The following PCNX2 variants were observed in gnomAD, a reference collection of about 807,000 sequenced individuals.
PCNX2 encodes the protein pecanex 2.
In PCNX2, 168 loss-of-function variants were observed where a neutral mutation model predicts 223.8. The observed-to-expected ratio is 0.75, with a 90% CI of 0.66 to 0.85. PCNX2 has a LOEUF of 0.85. PCNX2 is among the 40% of genes least tolerant of loss of function. The probability of loss-of-function intolerance (pLI) is 0.00; values close to 1 mark genes in which losing one functional copy is unlikely to be tolerated. For synonymous variants in PCNX2, 1,006 were observed against 1,052.6 expected (o/e 0.96, Z 0.86); for missense variants, 2,507 against 2,675.5 (o/e 0.94, Z 1.39).
Position 233,253,997 on chromosome 1 carries a change from T to C in PCNX2, c.1835-1209A>G, listed in dbSNP as rs558197187. ...ACAGCCTGTGCCTGAGAGAACAGAA[T>C]TGAGCCTGAACCTACAAGTTCTTTC... is the stretch of plus-strand genomic sequence containing the variant. On this transcript the variant is annotated intron_variant, in intron 5 of 33. Coordinates refer to ENST00000258229, the MANE Select transcript of PCNX2 (RefSeq NM_014801.4). This position sits in a 1 kb window ranked among gnomAD's most constrained non-coding sequence, Gnocchi z 4.2. Among the ~76,000 whole-genome samples the C allele has an allele frequency of 2.4e-4, 36 of 152,306 alleles. No individual in the cohort carries two copies. Among genetic ancestry groups the C allele is most frequent in the African/African-American group, 8.2e-4 (34 of 41,582 alleles).
chr1:233,011,595 C>A (rs956577510), intron 28 of PCNX2, among the ~76,000 whole-genome samples: 1 of 152,144 alleles, frequency 6.6e-6, no homozygotes, highest in Non-Finnish European at 1.5e-5. Flanking sequence ...CATTTCTGCA[C>A]AGCTGTCCAA....
At chr1:233,114,097 AGAT>A (rs1272942065) in intron 21 of PCNX2, among the ~76,000 whole-genome samples, 4 of 152,240 alleles carry the variant, frequency 2.6e-5, no homozygotes, top group African/African-American at 9.6e-5. Flanking sequence ...GTGTGTTATA[AGAT>A]GATGACGGCT....
Position 233,295,303 on chromosome 1 carries a change from G to C in PCNX2, c.153+23C>G, listed in dbSNP as rs767925559. On this transcript the variant is annotated intron_variant, in intron 1 of 33. Coordinates refer to ENST00000258229, the MANE Select transcript of PCNX2 (RefSeq NM_014801.4). The surrounding 1 kb of genome is among the most constrained non-coding windows in gnomAD (Gnocchi z 4.1). Reference sequence around the variant, plus strand: ...CTTCCCTCCATACCCACAGCTCCCCGGGACCGGACCCTCCCCACTCACCAG... The same window carrying C: ...CTTCCCTCCATACCCACAGCTCCCCCGGACCGGACCCTCCCCACTCACCAG... The C allele has an allele frequency of 6.4e-7, 1 of 1,570,376 alleles. No homozygotes were observed. The highest frequency in any genetic ancestry group is 8.6e-7 in the Non-Finnish European group (1 of 1,157,584).
chr1:233,007,460 C>T (rs1670324453), intron 28 of PCNX2, among the ~76,000 whole-genome samples: 1 of 152,208 alleles, frequency 6.6e-6, no homozygotes, highest in African/African-American at 2.4e-5. Flanking sequence ...AGAAAACCCA[C>T]AGCTGCTTCC....
At chr1:233,052,313 T>C (rs1204720616) in intron 25 of PCNX2, among the ~76,000 whole-genome samples, 1 of 152,230 alleles carries the variant, frequency 6.6e-6, no homozygotes, top group East Asian at 1.9e-4. Flanking sequence ...TGGGAAAACA[T>C]GACAACTTGT....
At chr1:233,082,359 A>G (rs1673401312) in intron 23 of PCNX2, among the ~76,000 whole-genome samples, 1 of 152,176 alleles carries the variant, frequency 6.6e-6, no homozygotes, top group African/African-American at 2.4e-5. Context: ...GGCCCAACGT[A>G]CAACCTAAGT....
intron 1 of PCNX2, among the ~76,000 whole-genome samples, chr1:233,281,613 C>T (rs1006117773): frequency 3.3e-5 from 5 of 152,232 alleles, no homozygotes; most frequent in Admixed American, 2.6e-4. Flanking sequence ...TATATAAGTA[C>T]CACAAGGAAA....
At position 233,227,309 on chromosome 1, in the gene PCNX2, C is replaced by T. The variant is rs1391094178; in HGVS notation, c.2421G>A (p.Glu807=). Residue 807 remains glutamate (E), a synonymous_variant, in exon 10 of 34, where the codon GAG becomes GAA. Transcript: ENST00000258229. ...GGAAAATGATAAATTTGTAAAACTG[C>T]TCTCGGTTAAATTTTCCTTGTGTTG... ...CSSTQGKFNR[E]QFYKFIIFPG... is the part of the protein sequence containing the mutation. 8 of 1,613,404 alleles carry T rather than the reference C, an allele frequency of 5.0e-6. No individual in the cohort carries two copies. The highest frequency in any genetic ancestry group is 1.3e-5 in the African/African-American group (1 of 74,822).
chr1:233,002,250 G>A (rs1282734336), intron 28 of PCNX2, among the ~76,000 whole-genome samples: 3 of 152,008 alleles, frequency 2.0e-5, no homozygotes, highest in African/African-American at 7.3e-5. Context: ...TTTTAATGAT[G>A]AGAGGAAGAG....
At chr1:233,248,818 TCAGTTG>T (rs1184513659) in intron 8 of PCNX2, among the ~76,000 whole-genome samples, 2 of 152,100 alleles carry the variant, frequency 1.3e-5, no homozygotes, top group Non-Finnish European at 2.9e-5. Flanking sequence ...ATCAACACAT[TCAGTTG>T]CCTCTCAGTC....
intron 25 of PCNX2, chr1:233,031,785 C>CT (rs56699256): frequency 0.052 from 46,711 of 903,958 alleles, 308 homozygotes; most frequent in African/African-American, 0.14. Context: ...TGAAAGCATT[C>CT]TTTTTTTTTT....
intron 12 of PCNX2, among the ~76,000 whole-genome samples, chr1:233,213,312 C>G (rs932184592): frequency 6.6e-6 from 1 of 151,964 alleles, no homozygotes; most frequent in Non-Finnish European, 1.5e-5. Flanking sequence ...GACAAGACGG[C>G]TATTATAATG....
At chr1:233,021,543 C>A (rs564736801) in intron 26 of PCNX2, among the ~76,000 whole-genome samples, 1 of 152,216 alleles carries the variant, frequency 6.6e-6, no homozygotes, top group East Asian at 1.9e-4. Context: ...CCATGGAATT[C>A]GAATGTGTGG....
At chr1:233,017,314 C>CTTT (rs57419971) in intron 26 of PCNX2, among the ~76,000 whole-genome samples, 160 bp from the exon 27 acceptor site, 23 of 81,962 alleles carry the variant, frequency 2.8e-4, no homozygotes, top group African/African-American at 7.8e-4. Flanking sequence ...CTAAAATGTC[C>CTTT]TTTTTTTTTT....
intron 33 of PCNX2, chr1:232,985,858 G>A: frequency 1.6e-6 from 1 of 613,434 alleles, no homozygotes; most frequent in Non-Finnish European, 2.9e-6. Flanking sequence ...TCCTTTCAGT[G>A]CCTGCCTGGG....
rs142602163 is a variant in PCNX2 at position 233,137,264 on chromosome 1, A to C, written c.3660-2074T>G. On this transcript the variant is annotated intron_variant, in intron 20 of 33. Coordinates refer to ENST00000258229, the MANE Select transcript of PCNX2 (RefSeq NM_014801.4). ...TCCCAAAGGTGTGCACAGTAGGTGCACTGATGTGCTGACATGGTCCAGTGT... is the reference window on the plus strand; with the variant it reads ...TCCCAAAGGTGTGCACAGTAGGTGCCCTGATGTGCTGACATGGTCCAGTGT... 7.0e-3 allele frequency among the ~76,000 whole-genome samples: 1,072 copies of C among 152,242 alleles called. 13 individuals are homozygous for C. Among genetic ancestry groups the C allele is most frequent in the South Asian group, 0.057 (276 of 4,818 alleles).
chr1:233,097,403 G>C (rs1674238040), intron 21 of PCNX2, among the ~76,000 whole-genome samples: 1 of 151,996 alleles, frequency 6.6e-6, no homozygotes, highest in South Asian at 2.1e-4. Context: ...TCAGGCTTGG[G>C]GAGCTATAAG....
In PCNX2 at chr1:233,258,355, C is replaced by T. The variant is rs753330125; in HGVS notation, c.1507G>A (p.Glu503Lys). ...VSRLTPDTGS[E>K]SKVGKEGQTN... is the part of the protein sequence containing the mutation. ...TGGCCTTCCTTCCCCACCTTAGACTCGGAGCCTGTATCAGGTGTAAGCCGG... is the reference window on the plus strand; with the variant it reads ...TGGCCTTCCTTCCCCACCTTAGACTTGGAGCCTGTATCAGGTGTAAGCCGG... Residue 503 changes from glutamate to lysine, a missense_variant, in exon 5 of 34, where the codon GAG becomes AAG. Glu to Lys is a moderately conservative substitution (Grantham distance 56). Around this residue, in one of 3 missense-constraint regions of PCNX2, gnomAD observed 1,031 missense variants for 1,021.7 expected, o/e 1.01. Coordinates refer to ENST00000258229, the MANE Select transcript of PCNX2 (RefSeq NM_014801.4). 4.5e-5 allele frequency: 72 copies of T among 1,614,008 alleles called. No homozygotes were observed. The highest frequency in any genetic ancestry group is 5.5e-5 in the Non-Finnish European group (65 of 1,179,904).
intron 8 of PCNX2, chr1:233,241,503 C>T: frequency 6.7e-6 from 4 of 600,624 alleles, no homozygotes; most frequent in Non-Finnish European, 8.4e-6. Flanking sequence ...AAGTGAAAGC[C>T]AAAAAGAAAG....
Sources: allele counts gnomAD v4.1 joint callset (sites outside exome capture counted in the v4.1 genomes callset), GRCh38; gene constraint gnomAD v4.1.1; regional missense constraint gnomAD v4.1.1; non-coding constraint Gnocchi (gnomAD v3.1); transcripts MANE v1.5; gene names NCBI Gene and HGNC (gene_info 2026-07-23, HGNC 2026-07-21).